The following SLC9A2 variants were observed in gnomAD, a reference collection of about 807,000 sequenced individuals.
SLC9A2 encodes solute carrier family 9 member A2.
In SLC9A2, 42 loss-of-function variants were observed where a neutral mutation model predicts 71.7. The observed-to-expected ratio is 0.59, with a 90% CI of 0.46 to 0.76. The LOEUF (loss-of-function observed/expected upper bound fraction) is 0.76. Ranked by LOEUF, SLC9A2 falls within the 30% of genes least tolerant of loss-of-function variation. The pLI, the probability that SLC9A2 is intolerant of heterozygous loss-of-function variation, is 0.00. For missense variants in SLC9A2, 829 were observed against 1,017.4 expected (o/e 0.81, Z 2.52); for synonymous variants, 396 against 392.5 (o/e 1.01, Z -0.10).
At chr2:102,638,866 C>A (rs1272537273) in intron 1 of SLC9A2, among the ~76,000 whole-genome samples, 1 of 152,208 alleles carries the variant, frequency 6.6e-6, no homozygotes, top group African/African-American at 2.4e-5. Flanking sequence ...TAAAACCATT[C>A]TGTGCTCTTT....
intron 5 of SLC9A2, among the ~76,000 whole-genome samples, chr2:102,693,827 GC>G (rs1284184104): frequency 6.6e-6 from 1 of 152,126 alleles, no homozygotes; most frequent in Non-Finnish European, 1.5e-5. Context: ...GGTTCCAAAT[GC>G]CCAAGACCCT....
At chr2:102,655,040 G>T (rs945621768) in intron 1 of SLC9A2, among the ~76,000 whole-genome samples, 1 of 152,120 alleles carries the variant, frequency 6.6e-6, no homozygotes, top group South Asian at 2.1e-4. Context: ...GTGAGTGAAT[G>T]TGAAGTCCTA....
In SLC9A2 at chr2:102,619,677, G is replaced by C; in HGVS notation, c.-172G>C. 3.9e-6 allele frequency: 2 copies of C among 507,258 alleles called. No homozygotes were observed. The highest frequency in any genetic ancestry group is 6.6e-6 in the Non-Finnish European group (2 of 305,222). 31.4% of individuals were successfully genotyped at this position (507,258 alleles called of 1,614,324 possible). ...TCGCCAGGCAGTGCGCCTGCTCGCA[G>C]CGAGGACCTAGCCCTCTGGTTGCAG... is the stretch of plus-strand genomic sequence containing the variant. On this transcript the variant is annotated 5_prime_UTR_variant, in exon 1 of 12. Transcript: ENST00000233969. The surrounding 1 kb of genome is among the most constrained non-coding windows in gnomAD (Gnocchi z 4.3).
At chr2:102,633,987 C>T (rs1676422020) in intron 1 of SLC9A2, among the ~76,000 whole-genome samples, 1 of 152,120 alleles carries the variant, frequency 6.6e-6, no homozygotes, top group African/African-American at 2.4e-5. Context: ...AGAATGTGTG[C>T]TCAATGAGGG....
Position 102,632,505 on chromosome 2 carries a change from C to T in SLC9A2, c.289+12368C>T, listed in dbSNP as rs538077940. 7.2e-5 allele frequency among the ~76,000 whole-genome samples: 11 copies of T among 151,986 alleles called. No homozygotes were observed. The South Asian group carries it at 1.7e-3, about 23-fold the overall frequency. On this transcript the variant is annotated intron_variant, in intron 1 of 11. Transcript: ENST00000233969. The stretch of plus-strand genomic sequence containing the variant: ...TTAAATGTATGAGTCATAATTGATG[C>T]GCTTCCTGCAACAGTCCTGTGCATT...
chr2:102,678,837 C>T (rs144777315), intron 3 of SLC9A2, among the ~76,000 whole-genome samples: 13 of 152,232 alleles, frequency 8.5e-5, no homozygotes, highest in South Asian at 2.1e-4. Flanking sequence ...GATGACCTGG[C>T]GGAGTGGGCA....
intron 3 of SLC9A2, among the ~76,000 whole-genome samples, chr2:102,679,370 CTATA>C (rs57012390): frequency 6.8e-6 from 1 of 147,608 alleles, no homozygotes; most frequent in African/African-American, 2.5e-5. Context: ...TACACCAAAG[CTATA>C]TATATATATA....
intron 1 of SLC9A2, among the ~76,000 whole-genome samples, chr2:102,656,979 C>T (rs558949430): frequency 3.1e-4 from 47 of 152,172 alleles, no homozygotes; most frequent in African/African-American, 1.0e-3. Flanking sequence ...CCGAGGTGGG[C>T]GGATCACCTG....
chr2:102,694,999 T>A (rs1353094521), intron 6 of SLC9A2, 44 bp from the exon 7 acceptor site: 1 of 1,517,856 alleles, frequency 6.6e-7, no homozygotes, highest in African/African-American at 1.4e-5. Context: ...AAATTATTGA[T>A]TTCAGGTAAA....
At chr2:102,659,987 A>G (rs767665328) in intron 2 of SLC9A2, among the ~76,000 whole-genome samples, 8 of 152,152 alleles carry the variant, frequency 5.3e-5, no homozygotes, top group Non-Finnish European at 1.0e-4. Context: ...ATGACACACC[A>G]GGCCTCCACA....
In SLC9A2 at chr2:102,703,821, G is replaced by C. The variant is rs60543980; in HGVS notation, c.1846-723G>C. Among the ~76,000 whole-genome samples the C allele has an allele frequency of 7.0e-4, 106 of 152,286 alleles. 1 individual carries two copies. In the East Asian group the frequency reaches 0.018, roughly 25 times the overall value. ...AAAGTGGATTCCATGTACAGCCCTA[G>C]TTTAGAAATTTTACTTTTCAAACAC... On this transcript the variant is annotated intron_variant, in intron 9 of 11. Coordinates refer to ENST00000233969, the MANE Select transcript of SLC9A2 (RefSeq NM_003048.6).
intron 3 of SLC9A2, among the ~76,000 whole-genome samples, chr2:102,681,042 T>G (rs1677443944): frequency 6.6e-6 from 1 of 152,178 alleles, no homozygotes; most frequent in Non-Finnish European, 1.5e-5. Flanking sequence ...CCTCTGGAAG[T>G]GCAAGATGGA....
intron 1 of SLC9A2, among the ~76,000 whole-genome samples, chr2:102,647,663 A>G (rs1341131158): frequency 6.6e-6 from 1 of 152,158 alleles, no homozygotes; most frequent in African/African-American, 2.4e-5. Flanking sequence ...AGGGAATATC[A>G]CCACTGATCC....
chr2:102,657,339 T>C (rs1676963335), intron 1 of SLC9A2, among the ~76,000 whole-genome samples: 1 of 152,186 alleles, frequency 6.6e-6, no homozygotes, highest in African/African-American at 2.4e-5. Flanking sequence ...CCTATAGCAC[T>C]CCAATTTTAA....
Position 102,650,485 on chromosome 2 carries a change from G to A in SLC9A2, c.290-7079G>A, listed in dbSNP as rs77888662. Among the ~76,000 whole-genome samples the A allele has an allele frequency of 2.0e-3, 308 of 152,152 alleles. 1 individual carries two copies. Among genetic ancestry groups the A allele is most frequent in the African/African-American group, 7.2e-3 (300 of 41,508 alleles). On this transcript the variant is annotated intron_variant, in intron 1 of 11. Transcript: ENST00000233969. ...CTGCACATGTATCCCGGAAATTAAAGTAAAATAAAAAATAATTAAAAAAGA... is the reference window on the plus strand; with the variant it reads ...CTGCACATGTATCCCGGAAATTAAAATAAAATAAAAAATAATTAAAAAAGA...
At chr2:102,699,861 C>A (rs904403818) in intron 7 of SLC9A2, among the ~76,000 whole-genome samples, 1 of 152,268 alleles carries the variant, frequency 6.6e-6, no homozygotes, top group South Asian at 2.1e-4. Context: ...CTCTTCACAT[C>A]ATCTTCCCTC....
At chr2:102,658,882 C>A (rs1031850270) in intron 2 of SLC9A2, among the ~76,000 whole-genome samples, 2 of 152,052 alleles carry the variant, frequency 1.3e-5, no homozygotes, top group Non-Finnish European at 2.9e-5. Flanking sequence ...TTAGGGAGCA[C>A]TGATGATGCT....
intron 1 of SLC9A2, among the ~76,000 whole-genome samples, chr2:102,633,375 C>T (rs1179697882): frequency 1.3e-5 from 2 of 152,096 alleles, no homozygotes; most frequent in African/African-American, 4.8e-5. Context: ...AAATATCACA[C>T]TTCCGGTGTG....
intron 3 of SLC9A2, among the ~76,000 whole-genome samples, chr2:102,666,160 G>A (rs368754391): frequency 2.4e-4 from 36 of 151,158 alleles, no homozygotes; most frequent in African/African-American, 7.5e-4. Context: ...CAAAATCAGC[G>A]AATGAGAGTT....
Sources: allele counts gnomAD v4.1 joint callset (sites outside exome capture counted in the v4.1 genomes callset), GRCh38; gene constraint gnomAD v4.1.1; non-coding constraint Gnocchi (gnomAD v3.1); transcripts MANE v1.5; gene names NCBI Gene and HGNC (gene_info 2026-07-23, HGNC 2026-07-21).